The following NRXN3 variants were observed in gnomAD, a reference collection of about 807,000 sequenced individuals.
NRXN3 encodes neurexin III.
Under a neutral mutation model 137.6 loss-of-function variants are expected in NRXN3, and 32 were observed. That is an observed-to-expected ratio of 0.23 (90% confidence interval 0.18 to 0.31). The LOEUF is 0.31. Among genes scored for constraint, NRXN3 ranks in the 10% least tolerant of loss-of-function variants. The pLI is 1.00. For synonymous variants in NRXN3, 798 were observed against 784.5 expected (o/e 1.02, Z -0.29); for missense variants, 1,574 against 2,062.5 (o/e 0.76, Z 4.59).
At position 79,777,666 on chromosome 14, in the gene NRXN3, A is replaced by C. The variant is rs1048056651; in HGVS notation, c.4015-27446A>C. On this transcript the variant is annotated intron_variant, in intron 19 of 20. Coordinates refer to ENST00000335750, the MANE Select transcript of NRXN3 (RefSeq NM_001330195.2). ...GAAGGTTATTTATTTATTCACAAAC[A>C]CTGGAAAATTCAGTGTTTTTCACTG... Among the ~76,000 whole-genome samples the C allele has an allele frequency of 3.3e-5, 5 of 152,032 alleles. No homozygotes were observed. In the East Asian group the frequency reaches 9.6e-4, roughly 29 times the overall value.
At position 79,861,923 on chromosome 14, in the gene NRXN3, C is replaced by T. The variant is rs758038840; in HGVS notation, c.4675C>T (p.His1559Tyr). The T allele has an allele frequency of 5.6e-6, 9 of 1,613,634 alleles. No homozygotes were observed. The highest frequency in any genetic ancestry group is 1.1e-5 in the South Asian group (1 of 91,032). The change falls in exon 21 of 21, where the codon CAC (histidine) becomes TAC (tyrosine). Residue 1559 changes from histidine (H) to tyrosine (Y), a missense_variant. Around this residue, in one of 5 missense-constraint regions of NRXN3, gnomAD observed 320 missense variants for 387.1 expected, o/e 0.83. Transcript: ENST00000335750. The surrounding 1 kb of genome is among the most constrained non-coding windows in gnomAD (Gnocchi z 5.4). The part of the protein sequence containing the change: ...KEKQQSSKSG[H>Y]KKQKNKDREY... ...GAAGCAGCAGAGCTCGAAGAGCGGC[C>T]ACAAGAAACAGAAAAACAAGGACAG...
chr14:78,547,306 T>C (rs741524), intron 4 of NRXN3, among the ~76,000 whole-genome samples: 46,570 of 151,630 alleles, frequency 0.31, 7,354 homozygotes, highest in Middle Eastern at 0.36. Context: ...CCTGGGTTCA[T>C]GCCATTCTCC....
At chr14:78,282,849 T>C (rs1039879071) in intron 3 of NRXN3, among the ~76,000 whole-genome samples, 1 of 152,224 alleles carries the variant, frequency 6.6e-6, no homozygotes, top group Non-Finnish European at 1.5e-5. Context: ...CTGACTTTTG[T>C]TTGTGGACAC....
At chr14:78,637,703 T>A (rs2097579124) in intron 4 of NRXN3, among the ~76,000 whole-genome samples, 1 of 152,248 alleles carries the variant, frequency 6.6e-6, no homozygotes, top group Non-Finnish European at 1.5e-5. Flanking sequence ...TCACAGTTCA[T>A]AATGTAAGTC....
intron 19 of NRXN3, among the ~76,000 whole-genome samples, chr14:79,702,774 G>C (rs1603441794): frequency 1.3e-5 from 2 of 151,920 alleles, no homozygotes; most frequent in East Asian, 1.9e-4. Flanking sequence ...CTCCAATATT[G>C]GTGGGTAATT....
chr14:78,815,793 A>C (rs2098931193), intron 10 of NRXN3, among the ~76,000 whole-genome samples: 1 of 152,132 alleles, frequency 6.6e-6, no homozygotes, highest in Non-Finnish European at 1.5e-5. Context: ...ACCAATAAGG[A>C]GGGCTGACTT....
At chr14:78,280,997 G>T (rs1596720381) in intron 3 of NRXN3, among the ~76,000 whole-genome samples, 1 of 152,292 alleles carries the variant, frequency 6.6e-6, no homozygotes, top group East Asian at 1.9e-4. Context: ...TGAGTGGCAG[G>T]GCCAAGAGGG....
chr14:79,477,625 GA>G (rs1005506534), intron 16 of NRXN3, among the ~76,000 whole-genome samples: 33 of 152,214 alleles, frequency 2.2e-4, no homozygotes, highest in African/African-American at 7.7e-4. Context: ...GACATTTAAA[GA>G]TTTTTTTAGA....
chr14:79,375,155 G>A (rs1237001189), intron 15 of NRXN3, among the ~76,000 whole-genome samples: 3 of 151,726 alleles, frequency 2.0e-5, no homozygotes. Flanking sequence ...CGAGTCAGGA[G>A]AAGAGGGGTT....
intron 15 of NRXN3, among the ~76,000 whole-genome samples, chr14:79,046,260 A>G (rs1190814573): frequency 6.6e-6 from 1 of 151,696 alleles, no homozygotes; most frequent in Non-Finnish European, 1.5e-5. Context: ...TATGCTTTAG[A>G]TTTGAGATAC....
In NRXN3 at chr14:78,943,621, AATATATATATATATATATATATATATAT is replaced by A. The variant is rs60429358; in HGVS notation, c.2276-13590_2276-13563del. On this transcript the variant is annotated intron_variant, in intron 10 of 20. Coordinates refer to ENST00000335750, the MANE Select transcript of NRXN3 (RefSeq NM_001330195.2). Reference sequence around the variant, plus strand: ...AGCAAGATCACTGTTAAAAAAAAAAAATATATATATATATATATATATATATATATATATATATATATATATATATATA... The same window carrying A: ...AGCAAGATCACTGTTAAAAAAAAAAAATATATATATATATATATATATATA... Among the ~76,000 whole-genome samples the A allele has an allele frequency of 3.6e-3, 100 of 27,878 alleles. 5 individuals are homozygous for A. In the East Asian group the frequency reaches 0.046, roughly 13 times the overall value. The allele number at this position is 27,878 out of a possible 152,430, so 18.3% of individuals were successfully genotyped here.
intron 14 of NRXN3, among the ~76,000 whole-genome samples, chr14:78,980,259 T>A (rs2099486132): frequency 1.3e-5 from 2 of 152,206 alleles, no homozygotes; most frequent in African/African-American, 2.4e-5. Context: ...TGATATGGCC[T>A]CCAGGCCTGT....
At chr14:78,656,389 TGCTCCAGGATGA>T (rs1313224210) in intron 6 of NRXN3, among the ~76,000 whole-genome samples, 1 of 151,860 alleles carries the variant, frequency 6.6e-6, no homozygotes, top group Non-Finnish European at 1.5e-5. Flanking sequence ...GGGAAAGAGG[TGCTCCAGGATGA>T]GGGGCAGGGT....
intron 4 of NRXN3, among the ~76,000 whole-genome samples, chr14:78,338,954 G>A (rs1300693826): frequency 6.6e-6 from 1 of 152,136 alleles, no homozygotes; most frequent in African/African-American, 2.4e-5. Flanking sequence ...TCGGATCTAG[G>A]CTCCTGACTT....
intron 1 of NRXN3, among the ~76,000 whole-genome samples, chr14:78,182,143 G>A (rs77759584): frequency 0.01 from 1,530 of 151,918 alleles, 37 homozygotes; most frequent in African/African-American, 0.035. Context: ...GCTAAAATTC[G>A]TTGAGCACTC....
At chr14:79,657,885 A>G (rs941571449) in intron 16 of NRXN3, among the ~76,000 whole-genome samples, 3 of 152,234 alleles carry the variant, frequency 2.0e-5, no homozygotes, top group African/African-American at 7.2e-5. Context: ...TACTGAAATC[A>G]TATTTGGTCT....
chr14:78,306,228 T>A lies in NRXN3; in HGVS notation c.757+8368T>A, dbSNP rs939698957. Among the ~76,000 whole-genome samples, 4 of 152,302 alleles carry A rather than the reference T, an allele frequency of 2.6e-5. No homozygotes were observed. In the East Asian group the frequency reaches 7.7e-4, roughly 29 times the overall value. ...AACATGTCTGTTTCCTCCTCCTCAATGATCAATTTGGATTTATTGATTACT... is the reference window on the plus strand; with the variant it reads ...AACATGTCTGTTTCCTCCTCCTCAAAGATCAATTTGGATTTATTGATTACT... On this transcript the variant is annotated intron_variant, in intron 4 of 20. Transcript: ENST00000335750.
At chr14:79,575,073 A>T (rs2097651835) in intron 16 of NRXN3, among the ~76,000 whole-genome samples, 1 of 152,184 alleles carries the variant, frequency 6.6e-6, no homozygotes, top group Non-Finnish European at 1.5e-5. Context: ...TTCCAGAATC[A>T]TTTTGTTGAA....
chr14:78,461,449 T>G (rs991761482), intron 4 of NRXN3, among the ~76,000 whole-genome samples: 6 of 152,192 alleles, frequency 3.9e-5, no homozygotes, highest in African/African-American at 1.4e-4. Flanking sequence ...GAAAGGTTCT[T>G]GCAAAGATGC....
Sources: allele counts gnomAD v4.1 joint callset (sites outside exome capture counted in the v4.1 genomes callset), GRCh38; gene constraint gnomAD v4.1.1; regional missense constraint gnomAD v4.1.1; non-coding constraint Gnocchi (gnomAD v3.1); transcripts MANE v1.5; gene names NCBI Gene and HGNC (gene_info 2026-07-23, HGNC 2026-07-21).